Variants in HAPLN2 observed in about 807,000 individuals in gnomAD.
The protein encoded by HAPLN2 is brain link protein-1.
Under a neutral mutation model 29.3 loss-of-function variants are expected in HAPLN2, and 27 were observed. That is an observed-to-expected ratio of 0.92 (90% CI 0.68 to 1.27). HAPLN2 has a LOEUF of 1.27. Ranked by LOEUF, HAPLN2 falls within the 50% of genes most tolerant of loss-of-function variation. The probability of loss-of-function intolerance (pLI) is 0.00; values close to 1 mark genes in which losing one functional copy is unlikely to be tolerated. For missense variants in HAPLN2, 454 were observed against 484.3 expected, an observed-to-expected ratio of 0.94 and a Z score of 0.59; for synonymous variants, 208 against 211.7, an observed-to-expected ratio of 0.98 and a Z score of 0.15.
chr1:156,612,664 C>A, the HAPLN2 span, among the ~76,000 whole-genome samples: 1 of 152,260 alleles, frequency 6.6e-6, no homozygotes, highest in African/African-American at 2.4e-5. Context: ...TGGTGGCTCA[C>A]GGGAGCAGCA....
chr1:156,606,317 C>G, the HAPLN2 span, among the ~76,000 whole-genome samples: 1 of 151,640 alleles, frequency 6.6e-6, no homozygotes, highest in African/African-American at 2.4e-5. Flanking sequence ...GCGGCCCACG[C>G]CCATAGTCCC....
At chr1:156,601,541 GT>G in the HAPLN2 span, 1 of 1,384,326 alleles carries the variant, frequency 7.2e-7, no homozygotes, top group Non-Finnish European at 1.0e-6. Flanking sequence ...CAAAATCACG[GT>G]TTTTCCAGGA....
At chr1:156,623,231 A>C (rs973936572) in intron 2 of HAPLN2, among the ~76,000 whole-genome samples, 1 of 151,800 alleles carries the variant, frequency 6.6e-6, no homozygotes, top group Non-Finnish European at 1.5e-5. Context: ...GAAGATGCTA[A>C]ATTAGTACCT....
At chr1:156,617,620 A>T (rs1321905780), upstream of HAPLN2, among the ~76,000 whole-genome samples, 2 of 146,414 alleles carry the variant, frequency 1.4e-5, no homozygotes, top group African/African-American at 5.0e-5. Flanking sequence ...AAGTGTTGGG[A>T]TTATAGGTGT....
chr1:156,621,301 C>T (rs566747673), intron 2 of HAPLN2, among the ~76,000 whole-genome samples: 1 of 149,834 alleles, frequency 6.7e-6, no homozygotes, highest in East Asian at 2.1e-4. Context: ...GACAGGGTTT[C>T]ACCATGATGG....
upstream of HAPLN2, among the ~76,000 whole-genome samples, chr1:156,615,880 C>CCTTAAAAAAATTTTTAGAGATCCTATCT (rs377505655): frequency 4.2e-3 from 637 of 151,624 alleles, 5 homozygotes; most frequent in African/African-American, 0.015. Context: ...AAATCCCATC[C>CCTTAAAAAAATTTTTAGAGATCCTATCT]CTTAAAAAAA....
the HAPLN2 span, among the ~76,000 whole-genome samples, chr1:156,604,031 G>A: frequency 2.0e-5 from 3 of 152,204 alleles, no homozygotes; most frequent in East Asian, 1.9e-4. Context: ...CAAGGAGTTC[G>A]CAGTTTAATG....
intron 6 of HAPLN2, 126 bp downstream of exon 6, chr1:156,624,909 G>GGGGCCC: frequency 1.0e-6 from 1 of 999,500 alleles, no homozygotes; most frequent in Non-Finnish European, 1.4e-6. Flanking sequence ...CCCCCCATCA[G>GGGGCCC]CCCGCCCGCC....
chr1:156,621,870 T>A (rs934542660), intron 2 of HAPLN2, among the ~76,000 whole-genome samples: 15 of 150,664 alleles, frequency 1.0e-4, no homozygotes, highest in African/African-American at 2.2e-4. Context: ...GATTAAAAAA[T>A]TTTTTTTACC....
the HAPLN2 span, among the ~76,000 whole-genome samples, chr1:156,609,763 G>A: frequency 6.6e-6 from 1 of 152,154 alleles, no homozygotes; most frequent in Non-Finnish European, 1.5e-5. Flanking sequence ...CTACTTGAGG[G>A]AGGAGGGTGG....
chr1:156,617,146 T>G (rs937110833), upstream of HAPLN2, among the ~76,000 whole-genome samples: 5 of 151,738 alleles, frequency 3.3e-5, no homozygotes, highest in Non-Finnish European at 7.4e-5. Flanking sequence ...TATTATTAGA[T>G]ATGGCCCAAG....
the HAPLN2 span, among the ~76,000 whole-genome samples, chr1:156,605,287 G>A: frequency 1.3e-5 from 2 of 151,064 alleles, no homozygotes; most frequent in African/African-American, 4.9e-5. Flanking sequence ...AAAAGAGAGA[G>A]AAAAGAAAAG....
At chr1:156,607,833 A>T in the HAPLN2 span, among the ~76,000 whole-genome samples, 3 of 152,178 alleles carry the variant, frequency 2.0e-5, no homozygotes, top group Non-Finnish European at 4.4e-5. Context: ...CTGAGGAAAG[A>T]GAAAATATGT....
chr1:156,619,093 A>G (rs1678138512), upstream of HAPLN2, among the ~76,000 whole-genome samples: 1 of 151,874 alleles, frequency 6.6e-6, no homozygotes, highest in Non-Finnish European at 1.5e-5. Flanking sequence ...CTCAGACAAA[A>G]TCTCTTTAGA....
At chr1:156,624,909 G>GGGGGGGCCCCCCCCCCCC in intron 6 of HAPLN2, 126 bp downstream of exon 6, 1 of 999,510 alleles carries the variant, frequency 1.0e-6, no homozygotes, top group Non-Finnish European at 1.4e-6. Flanking sequence ...CCCCCCATCA[G>GGGGGGGCCCCCCCCCCCC]CCCGCCCGCC....
the HAPLN2 span, among the ~76,000 whole-genome samples, chr1:156,606,312 C>G: frequency 6.6e-6 from 1 of 151,514 alleles, no homozygotes; most frequent in Non-Finnish European, 1.5e-5. Flanking sequence ...ATGTGGCGGC[C>G]CACGCCCATA....
chr1:156,618,979 C>T (rs1322793126), upstream of HAPLN2, among the ~76,000 whole-genome samples: 1 of 151,952 alleles, frequency 6.6e-6, no homozygotes, highest in Non-Finnish European at 1.5e-5. Context: ...TCTCATGTTC[C>T]TCCCCAGGGA....
the HAPLN2 span, among the ~76,000 whole-genome samples, chr1:156,612,516 G>A: frequency 6.6e-6 from 1 of 152,144 alleles, no homozygotes; most frequent in Non-Finnish European, 1.5e-5. Context: ...AGCCTCCCAA[G>A]TATTTGGGAC....
intron 4 of HAPLN2, 88 bp from the exon 5 acceptor site, chr1:156,624,263 C>G (rs1346402407): frequency 6.7e-7 from 1 of 1,499,500 alleles, no homozygotes; most frequent in Non-Finnish European, 9.0e-7. Flanking sequence ...CCCCTGGGGA[C>G]CCCAGCTCCC....
Sources: allele counts gnomAD v4.1 joint callset (sites outside exome capture counted in the v4.1 genomes callset), GRCh38; gene constraint gnomAD v4.1.1; transcripts MANE v1.5; gene names NCBI Gene and HGNC (gene_info 2026-07-23, HGNC 2026-07-21).